PTPRD: variants seen among roughly 807,000 people sequenced by gnomAD.
PTPRD encodes the protein receptor-type tyrosine-protein phosphatase delta.
PTPRD carries 34 observed loss-of-function variants against 214.5 expected under a neutral mutation model. The ratio of observed to expected loss-of-function variants is 0.16; its 90% CI spans 0.12 to 0.21. PTPRD has a LOEUF of 0.21. Among genes scored for constraint, PTPRD ranks in the 10% least tolerant of loss-of-function variants. PTPRD has a pLI of 1.00. For synonymous variants in PTPRD, 1,128 were observed against 845.7 expected (o/e 1.33, Z -5.79); for missense variants, 2,545 against 2,398.7 (o/e 1.06, Z -1.27).
intron 8 of PTPRD, among the ~76,000 whole-genome samples, chr9:9,425,106 T>C (rs1444733550): frequency 2.0e-5 from 3 of 152,052 alleles, no homozygotes; most frequent in African/African-American, 4.8e-5. Flanking sequence ...GGCTAGACTG[T>C]CTAATCATGA....
chr9:9,896,701 T>C (rs545092769), intron 5 of PTPRD, among the ~76,000 whole-genome samples: 1 of 152,100 alleles, frequency 6.6e-6, no homozygotes, highest in Non-Finnish European at 1.5e-5. Context: ...AAGAATACTT[T>C]AAAGAACATA....
chr9:9,910,525 T>A, intron 5 of PTPRD, among the ~76,000 whole-genome samples: 1 of 151,958 alleles, frequency 6.6e-6, no homozygotes, highest in Non-Finnish European at 1.5e-5. Flanking sequence ...GTCTGAAAAT[T>A]TCTGTTCAGC....
intron 2 of PTPRD, among the ~76,000 whole-genome samples, chr9:10,391,107 A>G (rs2098054013): frequency 6.6e-6 from 1 of 151,770 alleles, no homozygotes; most frequent in Admixed American, 6.6e-5. Context: ...TTACTTGGGG[A>G]AGCATTAAGT....
intron 10 of PTPRD, among the ~76,000 whole-genome samples, chr9:9,160,600 C>T (rs1342070748): frequency 6.6e-6 from 1 of 151,992 alleles, no homozygotes; most frequent in Non-Finnish European, 1.5e-5. Flanking sequence ...ATTAGTACTG[C>T]CATTATAGAA....
In PTPRD at chr9:9,280,024, C is replaced by T. The variant is rs73641289; in HGVS notation, c.-202-96661G>A. ...GGTTATTGGGTTGTTTCCAATGTACCGCAATTACAAACAATGCTTTAGCAT... is the reference window on the plus strand; with the variant it reads ...GGTTATTGGGTTGTTTCCAATGTACTGCAATTACAAACAATGCTTTAGCAT... On this transcript the variant is annotated intron_variant, in intron 9 of 45. Coordinates refer to ENST00000381196, the MANE Select transcript of PTPRD (RefSeq NM_002839.4). Among the ~76,000 whole-genome samples the T allele has an allele frequency of 2.1e-3, 324 of 151,130 alleles. 3 individuals are homozygous for T. The highest frequency in any genetic ancestry group is 7.4e-3 in the African/African-American group (308 of 41,356).
intron 2 of PTPRD, among the ~76,000 whole-genome samples, chr9:10,498,661 A>G (rs1015339861): frequency 6.6e-6 from 1 of 151,960 alleles, no homozygotes; most frequent in African/African-American, 2.4e-5. Context: ...AAAAAAGGTA[A>G]GAACAATTGG....
chr9:9,699,907 A>G lies in PTPRD; in HGVS notation c.-287+34626T>C, dbSNP rs542550620. On this transcript the variant is annotated intron_variant, in intron 7 of 45. Transcript: ENST00000381196. ...GTTGCAATGTTTTTCCCTTTTTGTG[A>G]GATAACCCTGTACAGCAGGAGCTTG... 2.6e-5 allele frequency among the ~76,000 whole-genome samples: 4 copies of G among 152,292 alleles called. No individual in the cohort carries two copies. The South Asian group carries it at 8.3e-4, about 32-fold the overall frequency.
intron 11 of PTPRD, among the ~76,000 whole-genome samples, chr9:8,991,158 G>A (rs1434114796): frequency 6.6e-6 from 1 of 151,072 alleles, no homozygotes; most frequent in African/African-American, 2.4e-5. Flanking sequence ...GGTGGAGGCT[G>A]CAGTGAGCTG....
At chr9:10,576,970 T>C (rs1788928701) in intron 2 of PTPRD, among the ~76,000 whole-genome samples, 1 of 5,538 alleles carries the variant, frequency 1.8e-4, no homozygotes, top group Non-Finnish European at 3.3e-4. Context: ...TATTTCTACT[T>C]TTTTTTTTAA....
intron 11 of PTPRD, among the ~76,000 whole-genome samples, chr9:8,940,827 GTGATGATGA>G (rs5896286): frequency 1.7e-4 from 24 of 140,028 alleles, no homozygotes; most frequent in African/African-American, 2.8e-4. Flanking sequence ...CAAAACATTA[GTGATGATGA>G]TGATGATGAT....
chr9:9,488,657 G>A (rs913936592), intron 8 of PTPRD, among the ~76,000 whole-genome samples: 1 of 152,204 alleles, frequency 6.6e-6, no homozygotes, highest in Non-Finnish European at 1.5e-5. Flanking sequence ...TCCCCACTTA[G>A]GAGAATGCAC....
chr9:10,303,410 C>T (rs373406545), intron 3 of PTPRD, among the ~76,000 whole-genome samples: 73 of 151,540 alleles, frequency 4.8e-4, no homozygotes, highest in African/African-American at 1.8e-3. Context: ...TAACTAAGAT[C>T]AGAGCAGAAC....
chr9:10,331,155 C>T (rs560421385), intron 3 of PTPRD, among the ~76,000 whole-genome samples: 59 of 151,946 alleles, frequency 3.9e-4, no homozygotes, highest in African/African-American at 1.4e-3. Flanking sequence ...ATAATAAATG[C>T]CATAGTTTGT....
chr9:8,921,154 A>T (rs2098825208), intron 11 of PTPRD, among the ~76,000 whole-genome samples: 2 of 152,132 alleles, frequency 1.3e-5, no homozygotes, highest in South Asian at 4.1e-4. Flanking sequence ...AGGTCTAGAA[A>T]ACCTGCCACT....
intron 9 of PTPRD, among the ~76,000 whole-genome samples, chr9:9,303,202 T>C (rs1956060292): frequency 6.6e-6 from 1 of 152,004 alleles, no homozygotes; most frequent in South Asian, 2.1e-4. Context: ...TTCAGTCCAG[T>C]TCCCCATTAT....
chr9:10,537,588 T>C (rs574741229), intron 2 of PTPRD, among the ~76,000 whole-genome samples: 1 of 152,288 alleles, frequency 6.6e-6, no homozygotes, highest in African/African-American at 2.4e-5. Context: ...GTCAAATCAT[T>C]GTCTATTCCT....
At chr9:10,118,569 G>T (rs1471956486) in intron 3 of PTPRD, among the ~76,000 whole-genome samples, 1 of 151,470 alleles carries the variant, frequency 6.6e-6, no homozygotes, top group Non-Finnish European at 1.5e-5. Context: ...TTTAATTTTT[G>T]ATTCAAAATC....
intron 36 of PTPRD, among the ~76,000 whole-genome samples, chr9:8,391,670 C>CA (rs2135786175): frequency 6.6e-6 from 1 of 152,290 alleles, no homozygotes; most frequent in Non-Finnish European, 1.5e-5. Context: ...CTAAGGGCCT[C>CA]ACTCAGCTGC....
At chr9:9,373,385 T>C (rs375341431) in intron 9 of PTPRD, among the ~76,000 whole-genome samples, 1 of 152,136 alleles carries the variant, frequency 6.6e-6, no homozygotes, top group African/African-American at 2.4e-5. Flanking sequence ...AGTATTTGTA[T>C]TAGTTTCTTA....
Sources: gnomAD v4.1 joint callset for allele counts (sites outside exome capture counted in the v4.1 genomes callset) on GRCh38, gnomAD v4.1.1 for gene constraint, MANE v1.5 for transcripts, NCBI Gene and HGNC (gene_info 2026-07-23, HGNC 2026-07-21) for gene names.